The following NBAS variants were observed in gnomAD, a reference collection of about 807,000 sequenced individuals.
NBAS encodes the protein NAG/BC035112 fusion.
NBAS carries 219 observed loss-of-function variants against 302.5 expected under a neutral mutation model. The observed-to-expected ratio is 0.72, with a 90% CI of 0.65 to 0.81. NBAS has a LOEUF of 0.81. NBAS is among the 30% of genes least tolerant of loss of function. The pLI, the probability that NBAS is intolerant of heterozygous loss-of-function variation, is 0.00. For synonymous variants in NBAS, 1,118 were observed against 1,021.6 expected (o/e 1.09, Z -1.80); for missense variants, 2,932 against 2,841.6 (o/e 1.03, Z -0.72).
In NBAS at chr2:15,497,388, G is replaced by C. The variant is rs576651446; in HGVS notation, c.954+6757C>G. Among the ~76,000 whole-genome samples, 13 of 152,270 alleles carry C rather than the reference G, an allele frequency of 8.5e-5. No individual in the cohort carries two copies. The East Asian group carries it at 2.3e-3, about 27-fold the overall frequency. The stretch of plus-strand genomic sequence containing the variant: ...ATAGCCACACAAGAAAAAAGAAGTA[G>C]AAAGATTCTAAGTACACTCTGAAGA... On this transcript the variant is annotated intron_variant, in intron 11 of 51. Transcript: ENST00000281513.
chr2:15,376,418 A>C (rs1674740803), intron 30 of NBAS, among the ~76,000 whole-genome samples: 1 of 152,212 alleles, frequency 6.6e-6, no homozygotes, highest in Admixed American at 6.5e-5. Flanking sequence ...GAGGTGAAAT[A>C]CAATTCCCAG....
the NBAS span, among the ~76,000 whole-genome samples, chr2:14,810,699 C>T: frequency 5.1e-4 from 78 of 152,194 alleles, 1 homozygote; most frequent in African/African-American, 1.8e-3. Flanking sequence ...AAAAATAGTG[C>T]CAAGCTTCCA....
intron 44 of NBAS, among the ~76,000 whole-genome samples, chr2:15,273,961 A>G (rs1433454565): frequency 6.6e-6 from 1 of 151,908 alleles, no homozygotes; most frequent in South Asian, 2.1e-4. Flanking sequence ...GGGCTCCTGT[A>G]GTCCCAGCTA....
chr2:15,305,282 C>T (rs932464348), intron 40 of NBAS, among the ~76,000 whole-genome samples: 6 of 151,922 alleles, frequency 3.9e-5, no homozygotes, highest in Admixed American at 3.3e-4. Flanking sequence ...GGGCTCTTCC[C>T]GCTTTGCTTG....
intron 50 of NBAS, among the ~76,000 whole-genome samples, chr2:15,181,063 C>A (rs1664797006): frequency 6.6e-6 from 1 of 152,208 alleles, no homozygotes. Context: ...GGTCTACCTG[C>A]CTTGCTTTTG....
intron 47 of NBAS, among the ~76,000 whole-genome samples, chr2:15,227,793 T>C (rs369835539): frequency 8.5e-5 from 13 of 152,080 alleles, no homozygotes; most frequent in East Asian, 7.7e-4. Flanking sequence ...CGAAAAAGAA[T>C]GAAACTGGAC....
the NBAS span, among the ~76,000 whole-genome samples, chr2:15,136,107 G>A: frequency 2.0e-5 from 3 of 152,162 alleles, no homozygotes; most frequent in African/African-American, 7.2e-5. Context: ...CCTGAAGGAA[G>A]AGCCAGACAG....
intron 48 of NBAS, among the ~76,000 whole-genome samples, chr2:15,205,339 G>C (rs1049990029): frequency 5.9e-5 from 9 of 151,988 alleles, no homozygotes; most frequent in African/African-American, 1.9e-4. Flanking sequence ...AAGAAGAAAA[G>C]AAGGAAGAGA....
chr2:15,426,854 A>G (rs1677504270), intron 22 of NBAS, among the ~76,000 whole-genome samples: 1 of 151,900 alleles, frequency 6.6e-6, no homozygotes, highest in Non-Finnish European at 1.5e-5. Context: ...CTTCATTATG[A>G]CCTTGTGGTG....
intron 9 of NBAS, among the ~76,000 whole-genome samples, chr2:15,532,139 AATACT>A (rs2148676465): frequency 6.6e-6 from 1 of 152,300 alleles, no homozygotes; most frequent in Non-Finnish European, 1.5e-5. Flanking sequence ...GAAATCATGA[AATACT>A]ATACAAGCTT....
Position 15,475,862 on chromosome 2 carries a change from G to C in NBAS, c.1166C>G (p.Pro389Arg). ...TGCCCACCAATTGACATCTATCAGT[G>C]GGTAAAAGGACTCTTTATCTAAGAA... ...KKIKDKESFY[P>R]LIDVNWWADS... The change falls in exon 14 of 52, where the codon CCA becomes CGA. Residue 389 changes from proline (P) to arginine (R), a missense_variant. Transcript: ENST00000281513. 6.2e-7 allele frequency: 1 copy of C among 1,613,510 alleles called. No homozygotes were observed. Among genetic ancestry groups the C allele is most frequent in the South Asian group, 1.1e-5 (1 of 90,994 alleles).
chr2:15,067,159 C>CAAAA, the NBAS span, among the ~76,000 whole-genome samples: 2 of 93,342 alleles, frequency 2.1e-5, no homozygotes, highest in African/African-American at 1.0e-4. Flanking sequence ...CTTATCTCCA[C>CAAAA]AAAAAAAAAA....
At chr2:14,927,859 C>T in the NBAS span, among the ~76,000 whole-genome samples, 3 of 152,158 alleles carry the variant, frequency 2.0e-5, no homozygotes, top group African/African-American at 7.2e-5. Flanking sequence ...GGAGAAATGT[C>T]TATTCAAGTT....
chr2:14,899,008 A>T, the NBAS span, among the ~76,000 whole-genome samples: 1 of 152,098 alleles, frequency 6.6e-6, no homozygotes, highest in African/African-American at 2.4e-5. Flanking sequence ...AATGGGTCTC[A>T]TCTGGAAGCT....
the NBAS span, among the ~76,000 whole-genome samples, chr2:15,067,668 G>T: frequency 2.6e-5 from 4 of 151,868 alleles, no homozygotes; most frequent in South Asian, 4.2e-4. Context: ...GCTTTTAGGG[G>T]CTGTGGGGGA....
chr2:15,516,580 A>C (rs1472499815), intron 9 of NBAS, among the ~76,000 whole-genome samples: 1 of 152,028 alleles, frequency 6.6e-6, no homozygotes, highest in Non-Finnish European at 1.5e-5. Flanking sequence ...AAAATTATCC[A>C]GGTGTGGTGG....
the NBAS span, among the ~76,000 whole-genome samples, chr2:14,914,405 T>C: frequency 6.6e-6 from 1 of 152,228 alleles, no homozygotes; most frequent in Non-Finnish European, 1.5e-5. Context: ...GAGGCAGGTT[T>C]CATAATATCA....
intron 44 of NBAS, among the ~76,000 whole-genome samples, chr2:15,261,469 C>T (rs1201132698): frequency 2.0e-5 from 3 of 152,162 alleles, no homozygotes; most frequent in Non-Finnish European, 4.4e-5. Flanking sequence ...CTTAACATCA[C>T]CATAATTATG....
chr2:14,799,366 A>T, the NBAS span, among the ~76,000 whole-genome samples: 2 of 152,170 alleles, frequency 1.3e-5, no homozygotes, highest in African/African-American at 2.4e-5. Context: ...AAGATCTTCT[A>T]GTTATTGTTC....
Sources: allele counts gnomAD v4.1 joint callset (sites outside exome capture counted in the v4.1 genomes callset), GRCh38; gene constraint gnomAD v4.1.1; transcripts MANE v1.5; gene names NCBI Gene and HGNC (gene_info 2026-07-23, HGNC 2026-07-21).